The following RAB38 variants were observed in gnomAD, a reference collection of about 807,000 sequenced individuals.
RAB38 encodes the protein RAB38, member RAS oncogene family.
RAB38 carries 15 observed loss-of-function variants against 18.4 expected under a neutral mutation model. That is an observed-to-expected ratio of 0.82 (90% CI 0.55 to 1.26). The LOEUF is 1.26. Among genes scored for constraint, RAB38 ranks in the 50% most tolerant of loss-of-function variants. The pLI is 0.00. For missense variants in RAB38, 294 were observed against 267.4 expected (o/e 1.10, Z -0.69); for synonymous variants, 101 against 104.4 (o/e 0.97, Z 0.20).
the RAB38 span, among the ~76,000 whole-genome samples, chr11:87,939,379 T>TACACAC: frequency 0.078 from 11,424 of 146,290 alleles, 440 homozygotes; most frequent in Admixed American, 0.11. Flanking sequence ...CACACATACA[T>TACACAC]ACACACACAC....
the RAB38 span, among the ~76,000 whole-genome samples, chr11:88,057,080 C>T: frequency 6.6e-6 from 1 of 152,186 alleles, no homozygotes; most frequent in Non-Finnish European, 1.5e-5. Flanking sequence ...GATCTAAAAA[C>T]TTCACTGTAC....
the RAB38 span, among the ~76,000 whole-genome samples, chr11:88,052,976 T>TTA: frequency 8.2e-6 from 1 of 122,134 alleles, no homozygotes; most frequent in African/African-American, 3.1e-5. Context: ...GATATATATG[T>TTA]TATATATATG....
At chr11:88,102,129 G>A in the RAB38 span, among the ~76,000 whole-genome samples, 1 of 152,000 alleles carries the variant, frequency 6.6e-6, no homozygotes. Flanking sequence ...GAACCAGGAT[G>A]TATGACTCTA....
chr11:87,977,950 A>T, the RAB38 span, among the ~76,000 whole-genome samples: 10 of 108,644 alleles, frequency 9.2e-5, no homozygotes, highest in East Asian at 2.3e-3. Flanking sequence ...ATATATTAAT[A>T]TAATATATAA....
At chr11:88,018,879 C>A in the RAB38 span, among the ~76,000 whole-genome samples, 1 of 152,032 alleles carries the variant, frequency 6.6e-6, no homozygotes, top group Non-Finnish European at 1.5e-5. Context: ...AGATGAGGAA[C>A]CCCCACAGAT....
chr11:87,892,961 TATATGCTTTACAG>T, the RAB38 span, among the ~76,000 whole-genome samples: 1 of 151,776 alleles, frequency 6.6e-6, no homozygotes, highest in African/African-American at 2.4e-5. Flanking sequence ...CCTGGTAGAC[TATATGCTTTACAG>T]ATGTTAGAGA....
At chr11:88,050,480 T>G in the RAB38 span, among the ~76,000 whole-genome samples, 1 of 152,208 alleles carries the variant, frequency 6.6e-6, no homozygotes, top group Non-Finnish European at 1.5e-5. Flanking sequence ...TGCCTACTCA[T>G]GCACTCATGC....
At chr11:87,856,665 G>C in the RAB38 span, among the ~76,000 whole-genome samples, 1 of 152,058 alleles carries the variant, frequency 6.6e-6, no homozygotes, top group Admixed American at 6.5e-5. Context: ...GGTCCCACTA[G>C]AGCGTAGCTT....
At chr11:88,045,664 G>A in the RAB38 span, among the ~76,000 whole-genome samples, 10 of 152,140 alleles carry the variant, frequency 6.6e-5, no homozygotes, top group East Asian at 3.9e-4. Flanking sequence ...GCTGACGATC[G>A]ACGCTGCCTG....
the RAB38 span, among the ~76,000 whole-genome samples, chr11:87,826,784 G>A: frequency 1.3e-5 from 2 of 152,030 alleles, no homozygotes; most frequent in African/African-American, 4.8e-5. Context: ...ACAACCACCA[G>A]GTAAAAAGTG....
At chr11:87,846,715 GTCTA>G in the RAB38 span, among the ~76,000 whole-genome samples, 1 of 152,024 alleles carries the variant, frequency 6.6e-6, no homozygotes, top group African/African-American at 2.4e-5. Flanking sequence ...TTGTAGAGCA[GTCTA>G]TCTAATGACT....
the RAB38 span, among the ~76,000 whole-genome samples, chr11:87,934,327 G>T: frequency 6.6e-6 from 1 of 151,978 alleles, no homozygotes; most frequent in Non-Finnish European, 1.5e-5. Flanking sequence ...TCTAACTTTC[G>T]ATCCCCCTTT....
chr11:87,844,017 A>C, the RAB38 span, among the ~76,000 whole-genome samples: 1 of 152,184 alleles, frequency 6.6e-6, no homozygotes, highest in Non-Finnish European at 1.5e-5. Context: ...TCTTAGTTTT[A>C]ATCTACCTTG....
chr11:88,034,299 G>C, the RAB38 span, among the ~76,000 whole-genome samples: 3 of 152,266 alleles, frequency 2.0e-5, no homozygotes, highest in East Asian at 1.9e-4. Flanking sequence ...GTTATTACAC[G>C]TAAGTGTTAT....
chr11:88,053,362 TATATATGGAATATATATATATAC>T, the RAB38 span, among the ~76,000 whole-genome samples: 2 of 62,434 alleles, frequency 3.2e-5, no homozygotes, highest in African/African-American at 9.2e-5. Context: ...TACACACACA[TATATATGGAATATATATATATAC>T]ACACACATAT....
chr11:88,094,058 C>T, the RAB38 span, among the ~76,000 whole-genome samples: 1 of 151,806 alleles, frequency 6.6e-6, no homozygotes, highest in Admixed American at 6.6e-5. Context: ...TTTCCCTGGG[C>T]AGAATCTTCA....
chr11:87,849,967 T>C, the RAB38 span, among the ~76,000 whole-genome samples: 1 of 152,088 alleles, frequency 6.6e-6, no homozygotes, highest in African/African-American at 2.4e-5. Flanking sequence ...AGCAACAAAA[T>C]TAGCAAGCAG....
chr11:87,897,680 T>C, the RAB38 span, among the ~76,000 whole-genome samples: 1 of 151,758 alleles, frequency 6.6e-6, no homozygotes, highest in South Asian at 2.1e-4. Context: ...GTTTAAGAAC[T>C]GAGAAAGAAA....
chr11:87,944,098 T>C, the RAB38 span, among the ~76,000 whole-genome samples: 1 of 152,158 alleles, frequency 6.6e-6, no homozygotes, highest in Non-Finnish European at 1.5e-5. Flanking sequence ...ATGCAAGTTA[T>C]GTTTATACTA....
Sources: allele counts gnomAD v4.1 joint callset (sites outside exome capture counted in the v4.1 genomes callset), GRCh38; gene constraint gnomAD v4.1.1; transcripts MANE v1.5; gene names NCBI Gene and HGNC (gene_info 2026-07-23, HGNC 2026-07-21).